The following ISY1 variants were observed in gnomAD, a reference collection of about 807,000 sequenced individuals.
The protein encoded by ISY1 is pre-mRNA-splicing factor ISY1 homolog.
Under a neutral mutation model 54.4 loss-of-function variants are expected in ISY1, and 12 were observed. The ratio of observed to expected loss-of-function variants is 0.22; its 90% CI spans 0.14 to 0.36. The LOEUF (loss-of-function observed/expected upper bound fraction) is 0.36. Among genes scored for constraint, ISY1 ranks in the 10% least tolerant of loss-of-function variants. The probability of loss-of-function intolerance (pLI) is 1.00; values close to 1 mark genes in which losing one functional copy is unlikely to be tolerated. For missense variants in ISY1, 282 were observed against 342.2 expected (o/e 0.82, Z 1.39); for synonymous variants, 96 against 117.9 (o/e 0.81, Z 1.20).
intron 6 of ISY1, among the ~76,000 whole-genome samples, chr3:129,140,883 A>G (rs1936586160): frequency 6.6e-6 from 1 of 151,352 alleles, no homozygotes; most frequent in Non-Finnish European, 1.5e-5. Flanking sequence ...TGATCTTTAA[A>G]CCCACTATTT....
chr3:129,135,750 A>C (rs1936377103), intron 7 of ISY1, among the ~76,000 whole-genome samples: 2 of 151,228 alleles, frequency 1.3e-5, no homozygotes, highest in African/African-American at 2.4e-5. Flanking sequence ...TGGGCGACAG[A>C]GCGAGACTCC....
chr3:129,140,583 T>C (rs1936577875), intron 6 of ISY1, 98 bp from the exon 7 acceptor site: 3 of 1,309,544 alleles, frequency 2.3e-6, no homozygotes, highest in Non-Finnish European at 2.1e-6. Flanking sequence ...CTGTTGCCCA[T>C]TTATTTATTT....
intron 5 of ISY1, among the ~76,000 whole-genome samples, chr3:129,152,333 C>T (rs1442270018): frequency 6.6e-6 from 1 of 152,102 alleles, no homozygotes; most frequent in Non-Finnish European, 1.5e-5. Flanking sequence ...TTTTTGAATG[C>T]TGAATCTACT....
chr3:129,140,680 C>T (rs1936580534), intron 6 of ISY1, among the ~76,000 whole-genome samples, 195 bp from the exon 7 acceptor site: 1 of 152,114 alleles, frequency 6.6e-6, no homozygotes, highest in Non-Finnish European at 1.5e-5. Flanking sequence ...AAGTGATTCT[C>T]CTGCCTCAGC....
chr3:129,141,412 C>T (rs538943078), intron 6 of ISY1, among the ~76,000 whole-genome samples: 1 of 152,132 alleles, frequency 6.6e-6, no homozygotes, highest in African/African-American at 2.4e-5. Context: ...CCTATCGTGC[C>T]ACTGCATTCC....
At position 129,129,954 on chromosome 3, in the gene ISY1, A is replaced by T; in HGVS notation, c.*127T>A. The T allele has an allele frequency of 1.5e-6, 1 of 683,430 alleles. No homozygotes were observed. The highest frequency in any genetic ancestry group is 2.4e-6 in the Non-Finnish European group (1 of 415,634). The allele number at this position is 683,430 out of a possible 1,614,324, so 42.3% of individuals were successfully genotyped here. On this transcript the variant is annotated 3_prime_UTR_variant, in exon 11 of 11. Transcript: ENST00000393295. ...ACCCCTACCCTCCGGTCAACATGAG[A>T]CAAGGAGAGGGAAGGAAGGCTGAGA... is the stretch of plus-strand genomic sequence containing the variant.
chr3:129,134,329 C>T lies in ISY1; in HGVS notation c.542-134G>A, dbSNP rs950011619. 122 of 1,492,572 alleles carry T rather than the reference C, an allele frequency of 8.2e-5. 4 individuals carry two copies. The South Asian group carries it at 1.3e-3, about 16-fold the overall frequency. The allele number at this position is 1,492,572 out of a possible 1,614,324, so 92.5% of individuals were successfully genotyped here. A position where few individuals can be genotyped will look rare whatever the true frequency, so the allele number is the denominator to read the frequency against. On this transcript the variant is annotated intron_variant, in intron 8 of 10. Transcript: ENST00000393295. ...AAAGGGACACCCTTCATTCTGCCCC[C>T]GTGGGTGGAAATGGATGTGAAGCAT...
Position 129,153,542 on chromosome 3 carries a change from G to A in ISY1, c.187+3091C>T, listed in dbSNP as rs1008448703. ...CTCAAGCCTGTAATCCCAGCACTAC[G>A]GGAGGGTGAGGTGGGCAGGTCATGA... On this transcript the variant is annotated intron_variant, in intron 5 of 10. Transcript: ENST00000393295. Among the ~76,000 whole-genome samples the A allele has an allele frequency of 7.4e-4, 113 of 152,144 alleles. 1 individual carries two copies. Among genetic ancestry groups the A allele is most frequent in the Non-Finnish European group, 5.1e-4 (35 of 68,032 alleles).
intron 1 of ISY1, among the ~76,000 whole-genome samples, chr3:129,159,541 C>G (rs1234976671): frequency 1.3e-5 from 2 of 152,140 alleles, no homozygotes; most frequent in African/African-American, 4.8e-5. Context: ...ATTTAACACC[C>G]AGCATCACAA....
chr3:129,156,962 A>G (rs956496722), intron 3 of ISY1, 42 bp from the exon 4 acceptor site: 2 of 1,606,890 alleles, frequency 1.2e-6, no homozygotes, highest in Non-Finnish European at 1.7e-6. Context: ...TACTATTTAC[A>G]AGTTTCAAAC....
chr3:129,159,430 T>C (rs1033012350), intron 1 of ISY1, among the ~76,000 whole-genome samples: 1 of 152,184 alleles, frequency 6.6e-6, no homozygotes, highest in Non-Finnish European at 1.5e-5. Context: ...TTATTCTTCC[T>C]TCAAATTTTA....
intron 5 of ISY1, among the ~76,000 whole-genome samples, chr3:129,153,546 G>A (rs189872653): frequency 1.5e-3 from 221 of 152,234 alleles, no homozygotes; most frequent in African/African-American, 4.9e-3. Flanking sequence ...CACTACGGGA[G>A]GGTGAGGTGG....
chr3:129,156,755 T>A (rs1444593069), intron 4 of ISY1, 80 bp from the exon 5 acceptor site: 1 of 1,558,554 alleles, frequency 6.4e-7, no homozygotes, highest in Non-Finnish European at 8.7e-7. Context: ...AAAATTAGTA[T>A]TTAAAAATAC....
At position 129,130,815 on chromosome 3, in the gene ISY1, A is replaced by G. The variant is rs770120167; in HGVS notation, c.664-179T>C. 7.0e-6 allele frequency: 4 copies of G among 572,082 alleles called. No individual in the cohort carries two copies. The South Asian group carries it at 1.1e-4, about 15-fold the overall frequency. The allele number at this position is 572,082 out of a possible 1,614,324, so 35.4% of individuals were successfully genotyped here. A position where few individuals can be genotyped will look rare whatever the true frequency, so the allele number is the denominator to read the frequency against. ...TAAAAAAAGCCATAGAACACGCTGT[A>G]TATTATGCTACCTTTTGTCTAAGGA... On this transcript the variant is annotated intron_variant, in intron 9 of 10. Coordinates refer to ENST00000393295, the MANE Select transcript of ISY1 (RefSeq NM_020701.4).
intron 5 of ISY1, among the ~76,000 whole-genome samples, chr3:129,153,759 G>C (rs1426669805): frequency 6.6e-6 from 1 of 151,836 alleles, no homozygotes; most frequent in Non-Finnish European, 1.5e-5. Flanking sequence ...GCACTCCAGT[G>C]TGGGCAACAG....
chr3:129,130,724 T>C lies in ISY1; in HGVS notation c.664-88A>G, dbSNP rs1191189814. On this transcript the variant is annotated intron_variant, in intron 9 of 10. Transcript: ENST00000393295. Reference sequence around the variant, plus strand: ...TATAAAACACACTACTCTGCAACTATTTAAAAGAAAAAAAAACTAAGAAAG... The same window carrying C: ...TATAAAACACACTACTCTGCAACTACTTAAAAGAAAAAAAAACTAAGAAAG... The C allele has an allele frequency of 5.7e-6, 8 of 1,392,116 alleles. No individual in the cohort carries two copies. In the African/African-American group the frequency reaches 1.0e-4, roughly 18 times the overall value. 86.2% of individuals were successfully genotyped at this position (1,392,116 alleles called of 1,614,324 possible). A position where few individuals can be genotyped will look rare whatever the true frequency, so the allele number is the denominator to read the frequency against.
chr3:129,130,067 G>A lies in ISY1; in HGVS notation c.*14C>T. On this transcript the variant is annotated 3_prime_UTR_variant, in exon 11 of 11. Transcript: ENST00000393295. ...GGGGGATGGAAGAACTCCAAGGAGA[G>A]CCCCAGCTGGGTCCTAATACCCCAG... is the stretch of plus-strand genomic sequence containing the variant. The A allele has an allele frequency of 6.4e-7, 1 of 1,565,068 alleles. No individual in the cohort carries two copies. The highest frequency in any genetic ancestry group is 2.3e-5 in the East Asian group (1 of 43,954).
At chr3:129,137,501 T>C (rs2107604049) in intron 7 of ISY1, among the ~76,000 whole-genome samples, 1 of 152,142 alleles carries the variant, frequency 6.6e-6, no homozygotes, top group Non-Finnish European at 1.5e-5. Flanking sequence ...TAGAGCATAA[T>C]CACAATATAG....
chr3:129,154,187 G>A (rs1937062345), intron 5 of ISY1, among the ~76,000 whole-genome samples: 2 of 149,750 alleles, frequency 1.3e-5, no homozygotes, highest in South Asian at 2.1e-4. Flanking sequence ...AGCCTGCAGT[G>A]AGCTGAGATG....
Sources: allele counts gnomAD v4.1 joint callset (sites outside exome capture counted in the v4.1 genomes callset), GRCh38; gene constraint gnomAD v4.1.1; transcripts MANE v1.5; gene names NCBI Gene and HGNC (gene_info 2026-07-23, HGNC 2026-07-21).